Variants in RBM10 observed in about 807,000 individuals in gnomAD.
The protein encoded by RBM10 is RNA binding motif protein 10, also known as RNA-binding protein 10.
RBM10 carries 1 observed loss-of-function variant against 84.9 expected under a neutral mutation model. The observed-to-expected ratio is 0.01, with a 90% confidence interval of 0.00 to 0.06. The LOEUF (loss-of-function observed/expected upper bound fraction) is 0.06, where lower values mean the gene tolerates loss of function less well. RBM10 is among the 10% of genes least tolerant of loss of function. The probability of loss-of-function intolerance (pLI) is 1.00; values close to 1 mark genes in which losing one functional copy is unlikely to be tolerated. For synonymous variants in RBM10, 326 were observed against 344.5 expected, an observed-to-expected ratio of 0.95 and a Z score of 0.60; for missense variants, 438 against 839.0, an observed-to-expected ratio of 0.52 and a Z score of 5.90.
intron 2 of RBM10, chrX:47,157,481 G>A (rs1406468347): frequency 2.5e-6 from 1 of 393,798 alleles, no homozygotes; most frequent in Admixed American, 3.2e-5. Flanking sequence ...TGTCATCCCC[G>A]CACAGGCTTG....
rs1556779016 is a variant in RBM10, at chrX:47,181,251, G to A, written c.1285G>A (p.Glu429Lys). The change falls in exon 13 of 24, where the codon GAG becomes AAG. Residue 429 changes from glutamate to lysine, a missense_variant. Glu to Lys is a moderately conservative substitution (Grantham distance 56). Around this residue, in one of 8 missense-constraint regions of RBM10, gnomAD observed 97 missense variants for 110.3 expected, o/e 0.88. Coordinates refer to ENST00000377604, the MANE Select transcript of RBM10 (RefSeq NM_005676.5). ...QGGEGTWATS[E>K]EPPVDYSYYQ... ...TGGGGAGGGTACCTGGGCCACCTCC[G>A]AGGAGCCGCCGGTCGACTACAGCTA... 9 of 1,166,323 alleles carry A rather than the reference G, an allele frequency of 7.7e-6. No homozygotes were observed. Among genetic ancestry groups the A allele is most frequent in the Non-Finnish European group, 8.0e-6 (7 of 875,000 alleles).
At chrX:47,168,409 G>A (rs181249336) in intron 2 of RBM10, among the ~76,000 whole-genome samples, 2 of 110,871 alleles carry the variant, frequency 1.8e-5, no homozygotes, top group South Asian at 3.8e-4. Flanking sequence ...TGAGCTGGGC[G>A]TGGTGGTGCG....
intron 3 of RBM10, 46 bp from the exon 4 acceptor site, chrX:47,170,982 A>G: frequency 8.5e-7 from 1 of 1,177,958 alleles, no homozygotes; most frequent in East Asian, 3.0e-5. Flanking sequence ...AGGCCTGCCC[A>G]GACTGACTGC....
chrX:47,161,911 C>T (rs1372143575), intron 2 of RBM10, among the ~76,000 whole-genome samples: 1 of 109,768 alleles, frequency 9.1e-6, no homozygotes, highest in Non-Finnish European at 1.9e-5. Flanking sequence ...GGCGCAATCT[C>T]GGCTCACTGC....
At chrX:47,157,730 G>A (rs1933279447) in intron 2 of RBM10, 4 of 503,342 alleles carry the variant, frequency 7.9e-6, no homozygotes, top group Non-Finnish European at 1.4e-5. Flanking sequence ...GAATGATGAC[G>A]TCCAGGGGTC....
intron 2 of RBM10, chrX:47,156,769 A>T (rs73630258): frequency 0.02 from 3,503 of 171,986 alleles, 160 homozygotes; most frequent in African/African-American, 0.1. Flanking sequence ...TTGGCCTTCC[A>T]GGGTGCATCC....
At chrX:47,161,687 C>T (rs782334241) in intron 2 of RBM10, among the ~76,000 whole-genome samples, 4 of 108,697 alleles carry the variant, frequency 3.7e-5, no homozygotes, top group South Asian at 4.1e-4. Flanking sequence ...CGCACCACCA[C>T]GCCTAACTAC....
At chrX:47,171,634 G>A (rs1934680834) in intron 4 of RBM10, among the ~76,000 whole-genome samples, 1 of 112,725 alleles carries the variant, frequency 8.9e-6, no homozygotes, top group African/African-American at 3.2e-5. Context: ...TGACACTGGG[G>A]CCCTGTAACC....
chrX:47,181,723 G>A (rs2147191192), intron 14 of RBM10, 26 bp from the exon 15 acceptor site: 1 of 1,210,408 alleles, frequency 8.3e-7, no homozygotes, highest in African/African-American at 1.7e-5. Context: ...ACTGAGCCCT[G>A]TTCTCCTGTC....
Position 47,186,382 on chromosome X carries a change from A to T in RBM10, c.2662A>T (p.Ile888Phe), listed in dbSNP as rs953418724. Residue 888 changes from isoleucine to phenylalanine, a missense_variant, in exon 23 of 24, where the codon ATC (isoleucine) becomes TTC (phenylalanine). Physicochemically the swap from Ile to Phe is conservative, Grantham distance 21 (BLOSUM62 0). Coordinates refer to ENST00000377604, the MANE Select transcript of RBM10 (RefSeq NM_005676.5). The stretch of plus-strand genomic sequence containing the variant: ...CAAGAAGCAGGGCATTGTAACGCCT[A>T]TCGAGGTGAGTCTCAGGCAGTCCTG... ...GRKKQGIVTP[I>F]EAQTRVRGSG... 1 of 1,194,979 alleles carries T rather than the reference A, an allele frequency of 8.4e-7. No homozygotes were observed.
chrX:47,165,751 G>C (rs1176308289), intron 2 of RBM10, among the ~76,000 whole-genome samples: 1 of 111,203 alleles, frequency 9.0e-6, no homozygotes, highest in Non-Finnish European at 1.9e-5. Flanking sequence ...GCCCGGCCCA[G>C]TGGCTCACGC....
At chrX:47,147,741 C>T (rs1313345028) in intron 2 of RBM10, among the ~76,000 whole-genome samples, 5 of 110,661 alleles carry the variant, frequency 4.5e-5, no homozygotes, top group East Asian at 2.8e-4. Context: ...GTCACAGGGA[C>T]GCTATGCAGT....
chrX:47,165,224 A>G (rs1349489431), intron 2 of RBM10, among the ~76,000 whole-genome samples: 2 of 111,869 alleles, frequency 1.8e-5, no homozygotes, highest in African/African-American at 6.5e-5. Context: ...TTAGATAATT[A>G]AGAATGGTTG....
chrX:47,157,112 C>T (rs964607984), intron 2 of RBM10: 14 of 255,157 alleles, frequency 5.5e-5, no homozygotes, highest in East Asian at 2.2e-4. Context: ...CCTCTTTGCT[C>T]GGCTGCTCTT....
At chrX:47,183,293 G>A (rs1393775572) in intron 17 of RBM10, among the ~76,000 whole-genome samples, 1 of 111,982 alleles carries the variant, frequency 8.9e-6, no homozygotes, top group African/African-American at 3.2e-5. Context: ...GGCTGGGGTG[G>A]GCAGATCACC....
chrX:47,147,216 G>C (rs1385663096), intron 1 of RBM10, 141 bp from the exon 2 acceptor site: 1 of 629,195 alleles, frequency 1.6e-6, no homozygotes, highest in Admixed American at 2.6e-5. Flanking sequence ...CCTTCATACT[G>C]TGATGCACAG....
At chrX:47,170,938 C>G in intron 3 of RBM10, 90 bp from the exon 4 acceptor site, 1 of 966,759 alleles carries the variant, frequency 1.0e-6, no homozygotes, top group Non-Finnish European at 1.5e-6. Context: ...GCTTTCAGAG[C>G]CTGCCTGCCT....
In RBM10 at chrX:47,169,510, G is replaced by A. The variant is rs367790106; in HGVS notation, c.201+12G>A. On this transcript the variant is annotated intron_variant, in intron 3 of 23. Coordinates refer to ENST00000377604, the MANE Select transcript of RBM10 (RefSeq NM_005676.5). Reference sequence around the variant, plus strand: ...AGCAGAGTGCGGAGGTGAGGAGGGGGCGCGCTGCGCCAGGCCTGGCTGGGA... The same window carrying A: ...AGCAGAGTGCGGAGGTGAGGAGGGGACGCGCTGCGCCAGGCCTGGCTGGGA... 285 of 1,197,799 alleles carry A rather than the reference G, an allele frequency of 2.4e-4. No individual in the cohort carries two copies. Among genetic ancestry groups the A allele is most frequent in the Non-Finnish European group, 3.1e-4 (277 of 888,924 alleles).
rs2147215748 is a variant in RBM10, at chrX:47,185,475, G to A, written c.2200G>A (p.Gly734Arg). The A allele has an allele frequency of 8.5e-7, 1 of 1,173,198 alleles. No individual in the cohort carries two copies. The highest frequency in any genetic ancestry group is 1.1e-6 in the Non-Finnish European group (1 of 875,800). Residue 734 changes from glycine (G) to arginine (R), a missense_variant, in exon 20 of 24, where the codon GGG becomes AGG. Coordinates refer to ENST00000377604, the MANE Select transcript of RBM10 (RefSeq NM_005676.5). ...PPRGLVAAYS[G>R]ESDSEEEQER... Reference sequence around the variant, plus strand: ...GCGAGGACTGGTGGCAGCCTACAGCGGGGAGAGTGACAGTGAGGAGGAGCA... The same window carrying A: ...GCGAGGACTGGTGGCAGCCTACAGCAGGGAGAGTGACAGTGAGGAGGAGCA...
Sources: allele counts gnomAD v4.1 joint callset (sites outside exome capture counted in the v4.1 genomes callset), GRCh38; gene constraint gnomAD v4.1.1; regional missense constraint gnomAD v4.1.1; transcripts MANE v1.5; gene names NCBI Gene and HGNC (gene_info 2026-07-23, HGNC 2026-07-21).